Variants in PKP4 observed in about 807,000 individuals in gnomAD.
PKP4 encodes the protein plakophilin-4.
A neutral mutation model predicts 145.1 loss-of-function variants in PKP4; 90 were observed. The observed-to-expected ratio is 0.62, with a 90% CI of 0.52 to 0.74. PKP4 has a LOEUF of 0.74. PKP4 is among the 30% of genes least tolerant of loss of function. The pLI is 0.00. For synonymous variants in PKP4, 563 were observed against 577.2 expected (o/e 0.98, Z 0.35); for missense variants, 1,340 against 1,482.7 (o/e 0.90, Z 1.58).
chr2:158,602,061 A>C (rs1463929128), intron 3 of PKP4, among the ~76,000 whole-genome samples: 1 of 152,210 alleles, frequency 6.6e-6, no homozygotes, highest in East Asian at 1.9e-4. Flanking sequence ...AATGATTAAA[A>C]AGAAAAACAT....
rs568454398 is a variant in PKP4, at chr2:158,560,381, TA to T, written c.133-16880del. Among the ~76,000 whole-genome samples, 21 of 148,112 alleles carry T rather than the reference TA, an allele frequency of 1.4e-4. No individual in the cohort carries two copies. The South Asian group carries it at 1.7e-3, about 12-fold the overall frequency. ...ACTACTTCCTTCTTGTGATTTTATG[TA>T]AAAAAAAAATGGATCTTCTGTATAT... On this transcript the variant is annotated intron_variant, in intron 2 of 21. Transcript: ENST00000389759.
intron 4 of PKP4, among the ~76,000 whole-genome samples, chr2:158,609,934 C>T (rs560314025): frequency 6.6e-6 from 1 of 152,106 alleles, no homozygotes; most frequent in Non-Finnish European, 1.5e-5. Context: ...AAGATACTTC[C>T]CAAAGAACGA....
intron 1 of PKP4, among the ~76,000 whole-genome samples, chr2:158,528,525 T>C (rs1256628739): frequency 1.5e-5 from 2 of 131,804 alleles, no homozygotes; most frequent in Admixed American, 7.8e-5. Context: ...TTGGGAGATA[T>C]ACCTAATGCT....
chr2:158,487,448 C>T (rs1320468419), intron 1 of PKP4, among the ~76,000 whole-genome samples: 3 of 152,104 alleles, frequency 2.0e-5, no homozygotes, highest in Admixed American at 6.6e-5. Flanking sequence ...GTAATTCAGT[C>T]AGAATCCAAA....
intron 4 of PKP4, among the ~76,000 whole-genome samples, chr2:158,610,913 CTCATTCTTTTT>C (rs2051088710): frequency 6.6e-6 from 1 of 152,136 alleles, no homozygotes; most frequent in Admixed American, 6.5e-5. Context: ...GCCAGCCAAG[CTCATTCTTTTT>C]AACACTGCTG....
chr2:158,477,234 C>A (rs1692622911), intron 1 of PKP4, among the ~76,000 whole-genome samples: 1 of 150,106 alleles, frequency 6.7e-6, no homozygotes, highest in South Asian at 2.1e-4. Flanking sequence ...GCAGTTCTTT[C>A]CTTTTACAGG....
chr2:158,462,444 C>T (rs1432439038), intron 1 of PKP4, among the ~76,000 whole-genome samples: 1 of 151,572 alleles, frequency 6.6e-6, no homozygotes, highest in Non-Finnish European at 1.5e-5. Flanking sequence ...TCCCCTTGTA[C>T]CTCAAATCAT....
intron 1 of PKP4, among the ~76,000 whole-genome samples, chr2:158,490,250 T>C (rs1257718862): frequency 1.3e-5 from 2 of 151,920 alleles, no homozygotes; most frequent in African/African-American, 2.4e-5. Context: ...TCAGTGCAAA[T>C]TGAACGTGTC....
intron 2 of PKP4, among the ~76,000 whole-genome samples, chr2:158,556,875 G>T (rs577172433): frequency 2.0e-5 from 3 of 152,220 alleles, no homozygotes; most frequent in African/African-American, 7.2e-5. Flanking sequence ...ACCTCTGTTG[G>T]ATTACTTAGG....
chr2:158,656,923 T>C (rs2056012755), intron 11 of PKP4, among the ~76,000 whole-genome samples: 1 of 152,152 alleles, frequency 6.6e-6, no homozygotes, highest in Non-Finnish European at 1.5e-5. Context: ...TCTTGGGCCG[T>C]GACAGCTGGA....
chr2:158,552,359 G>T (rs2045704311), intron 2 of PKP4, among the ~76,000 whole-genome samples: 1 of 152,204 alleles, frequency 6.6e-6, no homozygotes, highest in African/African-American at 2.4e-5. Flanking sequence ...CACCAGGTTT[G>T]TGGTGATTCG....
chr2:158,646,520 C>T lies in PKP4; in HGVS notation c.1909+3821C>T, dbSNP rs74955619. Among the ~76,000 whole-genome samples, 292 of 152,266 alleles carry T rather than the reference C, an allele frequency of 1.9e-3. 8 individuals are homozygous for T. In the East Asian group the frequency reaches 0.053, roughly 28 times the overall value. On this transcript the variant is annotated intron_variant, in intron 11 of 21. Transcript: ENST00000389759. ...TGTGTACATGTATTTATAGTCTAAG[C>T]TTTATAGAGACAGCAAAATTGCTCA...
chr2:158,546,124 A>G (rs2045014792), intron 2 of PKP4, among the ~76,000 whole-genome samples: 4 of 152,154 alleles, frequency 2.6e-5, no homozygotes, highest in Admixed American at 2.6e-4. Context: ...TCTGGGTTTT[A>G]TTTGAACTGA....
Position 158,591,036 on chromosome 2 carries a change from C to T in PKP4, c.246-12034C>T, listed in dbSNP as rs577874116. 1.4e-4 allele frequency among the ~76,000 whole-genome samples: 21 copies of T among 152,110 alleles called. No individual in the cohort carries two copies. The South Asian group carries it at 2.7e-3, about 20-fold the overall frequency. On this transcript the variant is annotated intron_variant, in intron 3 of 21. Coordinates refer to ENST00000389759, the MANE Select transcript of PKP4 (RefSeq NM_003628.6). ...TATTAATATCAGTTTATGGGGAATA[C>T]AGGAGACAGAGGAACATGTCAGTTG... is the stretch of plus-strand genomic sequence containing the variant.
chr2:158,615,202 T>G (rs2051484215), intron 4 of PKP4, among the ~76,000 whole-genome samples: 1 of 152,088 alleles, frequency 6.6e-6, no homozygotes, highest in Non-Finnish European at 1.5e-5. Flanking sequence ...TTGGTAATTT[T>G]TTTTCCCAAA....
intron 3 of PKP4, among the ~76,000 whole-genome samples, chr2:158,600,125 CTG>C (rs1468040370): frequency 1.3e-5 from 2 of 152,088 alleles, no homozygotes; most frequent in African/African-American, 2.4e-5. Flanking sequence ...TTAAAATGAA[CTG>C]TTTTGTTAAT....
At chr2:158,477,698 A>G in intron 1 of PKP4, among the ~76,000 whole-genome samples, 1 of 152,176 alleles carries the variant, frequency 6.6e-6, no homozygotes. Flanking sequence ...AAATGGTTAA[A>G]TTGGGGCATG....
chr2:158,604,822 A>G (rs947921493), intron 4 of PKP4, among the ~76,000 whole-genome samples: 158 of 152,342 alleles, frequency 1.0e-3, no homozygotes, highest in African/African-American at 3.6e-3. Context: ...TTAAACCGAT[A>G]GGTCCATGCA....
At chr2:158,663,976 TGG>T (rs1240812315) in intron 15 of PKP4, among the ~76,000 whole-genome samples, 1 of 152,178 alleles carries the variant, frequency 6.6e-6, no homozygotes, top group African/African-American at 2.4e-5. Flanking sequence ...GGCTGCCCAC[TGG>T]GGCCCACCAT....
Sources: gnomAD v4.1 joint callset for allele counts (sites outside exome capture counted in the v4.1 genomes callset) on GRCh38, gnomAD v4.1.1 for gene constraint, MANE v1.5 for transcripts, NCBI Gene and HGNC (gene_info 2026-07-23, HGNC 2026-07-21) for gene names.